SYNE3: variants seen among roughly 807,000 people sequenced by gnomAD.
The protein encoded by SYNE3 is nesprin-3.
In SYNE3, 100 loss-of-function variants were observed where a neutral mutation model predicts 111.2. That is an observed-to-expected ratio of 0.90 (90% CI 0.77 to 1.06). The LOEUF (loss-of-function observed/expected upper bound fraction) is 1.06. SYNE3 is among the 50% of genes least tolerant of loss of function. The pLI, the probability that SYNE3 is intolerant of heterozygous loss-of-function variation, is 0.00. For missense variants in SYNE3, 1,160 were observed against 1,240.3 expected, an observed-to-expected ratio of 0.94 and a Z score of 0.97; for synonymous variants, 547 against 533.9, an observed-to-expected ratio of 1.02 and a Z score of -0.34.
intron 1 of SYNE3, among the ~76,000 whole-genome samples, chr14:95,505,389 G>T (rs1015163173): frequency 2.6e-5 from 4 of 152,198 alleles, no homozygotes; most frequent in Admixed American, 6.5e-5. Context: ...CCACTCTCAA[G>T]CCTGCTTACC....
intron 1 of SYNE3, among the ~76,000 whole-genome samples, chr14:95,498,330 C>T (rs1566688198): frequency 1.3e-5 from 2 of 152,080 alleles, no homozygotes; most frequent in Non-Finnish European, 2.9e-5. Context: ...AGCTGGGATT[C>T]CATTCATTTC....
At chr14:95,457,672 T>A (rs780487894) in intron 4 of SYNE3, among the ~76,000 whole-genome samples, 2 of 152,194 alleles carry the variant, frequency 1.3e-5, no homozygotes, top group Non-Finnish European at 2.9e-5. Flanking sequence ...CGACTACTAC[T>A]ACATCACACT....
intron 11 of SYNE3, among the ~76,000 whole-genome samples, chr14:95,440,918 CA>C (rs1173992541): frequency 6.6e-6 from 1 of 152,216 alleles, no homozygotes; most frequent in African/African-American, 2.4e-5. Context: ...TATTCACGTT[CA>C]GTCTTTCTTT....
rs1415059638 is a variant in SYNE3, at chr14:95,408,453, G to A, written c.*9373C>T. On this transcript the variant is annotated 3_prime_UTR_variant, in exon 18 of 18. Transcript: ENST00000682763. ...AACCAGCCCAAGGAAATTCCCAGAT[G>A]ACACAGATCTAAGGGGTCATCTGAC... 1 of 152,284 alleles carries A rather than the reference G, an allele frequency of 6.6e-6. No individual in the cohort carries two copies. The highest frequency in any genetic ancestry group is 2.4e-5 in the African/African-American group (1 of 41,432). The allele number at this position is 152,284 out of a possible 1,614,324, so 9.4% of individuals were successfully genotyped here.
At chr14:95,475,361 G>T (rs1327732614) in intron 2 of SYNE3, among the ~76,000 whole-genome samples, 4 of 148,934 alleles carry the variant, frequency 2.7e-5, no homozygotes, top group African/African-American at 7.3e-5. Context: ...GACCCACCAG[G>T]CTGCACGGGT....
chr14:95,461,189 C>T (rs1013582126), intron 4 of SYNE3, among the ~76,000 whole-genome samples: 5 of 152,198 alleles, frequency 3.3e-5, no homozygotes, highest in Admixed American at 6.5e-5. Context: ...AAGGGTGGTG[C>T]GGATTTATGC....
intron 4 of SYNE3, among the ~76,000 whole-genome samples, chr14:95,461,975 C>T (rs1887852548): frequency 6.6e-6 from 1 of 152,220 alleles, no homozygotes; most frequent in Non-Finnish European, 1.5e-5. Context: ...CCGGGGGCTG[C>T]ATCCCACCTT....
intron 2 of SYNE3, among the ~76,000 whole-genome samples, chr14:95,468,871 T>C (rs1218455750): frequency 6.6e-6 from 1 of 152,212 alleles, no homozygotes; most frequent in Non-Finnish European, 1.5e-5. Flanking sequence ...GCTGTTACTA[T>C]TGCAGTTCAG....
intron 1 of SYNE3, among the ~76,000 whole-genome samples, chr14:95,512,805 C>T (rs1406395195): frequency 6.6e-6 from 1 of 152,124 alleles, no homozygotes. Flanking sequence ...TTGCAGTGAT[C>T]CGAGATCAGG....
intron 17 of SYNE3, among the ~76,000 whole-genome samples, 199 bp downstream of exon 17, chr14:95,431,880 C>A (rs1003063194): frequency 1.3e-5 from 2 of 152,212 alleles, no homozygotes. Flanking sequence ...TGCCAGCCTC[C>A]CCCCAAGCCT....
chr14:95,469,431 A>C (rs1344913481), intron 2 of SYNE3, among the ~76,000 whole-genome samples: 2 of 150,780 alleles, frequency 1.3e-5, no homozygotes, highest in Non-Finnish European at 2.9e-5. Flanking sequence ...ACAGTGCTGC[A>C]TGCCTATAAT....
intron 1 of SYNE3, among the ~76,000 whole-genome samples, chr14:95,477,216 T>C (rs1357714423): frequency 1.3e-5 from 2 of 152,214 alleles, no homozygotes; most frequent in Non-Finnish European, 2.9e-5. Context: ...CAGGATGTCT[T>C]GCCATTAAAG....
intron 4 of SYNE3, among the ~76,000 whole-genome samples, chr14:95,463,288 C>T (rs763720870): frequency 6.6e-6 from 1 of 152,142 alleles, no homozygotes; most frequent in Non-Finnish European, 1.5e-5. Context: ...ATGTCTATAG[C>T]GTTTTGGATT....
intron 1 of SYNE3, among the ~76,000 whole-genome samples, chr14:95,513,880 A>G (rs1331430884): frequency 1.3e-5 from 2 of 151,228 alleles, no homozygotes; most frequent in Admixed American, 6.6e-5. Flanking sequence ...TTGTCCTTGG[A>G]TTGTCTAAGA....
chr14:95,475,382 G>A (rs1888818717), intron 2 of SYNE3, among the ~76,000 whole-genome samples: 2 of 152,224 alleles, frequency 1.3e-5, no homozygotes, highest in South Asian at 4.1e-4. Flanking sequence ...CCCCCCTGCA[G>A]GGACAGGAGG....
At chr14:95,471,876 G>A (rs1339285238) in intron 2 of SYNE3, among the ~76,000 whole-genome samples, 1 of 152,220 alleles carries the variant, frequency 6.6e-6, no homozygotes, top group African/African-American at 2.4e-5. Flanking sequence ...AGTATCAGGA[G>A]ACCAGGAAAG....
chr14:95,483,751 G>A (rs940061165), intron 1 of SYNE3, among the ~76,000 whole-genome samples: 3 of 152,218 alleles, frequency 2.0e-5, no homozygotes, highest in Non-Finnish European at 4.4e-5. Context: ...CCGCCTTAGA[G>A]GTGAGCAGAC....
intron 8 of SYNE3, among the ~76,000 whole-genome samples, chr14:95,448,549 A>G (rs1886855271): frequency 6.6e-6 from 1 of 152,194 alleles, no homozygotes. Flanking sequence ...TTAGCCAGGC[A>G]TGGTGGTGCA....
chr14:95,434,798 C>T (rs1220936854), intron 15 of SYNE3, among the ~76,000 whole-genome samples: 8 of 152,200 alleles, frequency 5.3e-5, no homozygotes, highest in African/African-American at 1.7e-4. Context: ...GCTGGGATTA[C>T]AGGCATGCAC....
Sources: allele counts gnomAD v4.1 joint callset (sites outside exome capture counted in the v4.1 genomes callset), GRCh38; gene constraint gnomAD v4.1.1; transcripts MANE v1.5; gene names NCBI Gene and HGNC (gene_info 2026-07-23, HGNC 2026-07-21).